SRRM3: variants seen among roughly 807,000 people sequenced by gnomAD.
The protein encoded by SRRM3 is serine/arginine repetitive matrix protein 3.
In SRRM3, 27 loss-of-function variants were observed where a neutral mutation model predicts 66.2. The observed-to-expected ratio is 0.41, with a 90% CI of 0.30 to 0.56. SRRM3 has a LOEUF of 0.56. SRRM3 is among the 20% of genes least tolerant of loss of function. SRRM3 has a pLI of 0.32. For missense variants in SRRM3, 918 were observed against 991.9 expected (o/e 0.93, Z 1.00); for synonymous variants, 391 against 414.9 (o/e 0.94, Z 0.70).
chr7:76,238,227 T>G (rs1554605193), intron 2 of SRRM3, among the ~76,000 whole-genome samples: 1 of 152,222 alleles, frequency 6.6e-6, no homozygotes, highest in African/African-American at 2.4e-5. Context: ...GGAGCTGTTC[T>G]GAGAGTCCTC....
intron 3 of SRRM3, among the ~76,000 whole-genome samples, chr7:76,250,182 T>A (rs1289130729): frequency 6.6e-6 from 1 of 152,112 alleles, no homozygotes; most frequent in Non-Finnish European, 1.5e-5. Context: ...TAGCTGGGAC[T>A]ACAGGTGCAT....
At chr7:76,279,662 G>A (rs1554611571) in intron 11 of SRRM3, among the ~76,000 whole-genome samples, 1 of 152,060 alleles carries the variant, frequency 6.6e-6, no homozygotes, top group Admixed American at 6.6e-5. Context: ...TCATTTTGTG[G>A]ATGGAGAAAC....
chr7:76,202,346 G>A (rs1272659981), intron 1 of SRRM3, among the ~76,000 whole-genome samples: 1 of 152,182 alleles, frequency 6.6e-6, no homozygotes, highest in Admixed American at 6.5e-5. Flanking sequence ...AGGGTGCCAG[G>A]GAGGCCCCCC....
At chr7:76,212,928 G>A (rs76576332) in intron 1 of SRRM3, among the ~76,000 whole-genome samples, 4,566 of 151,396 alleles carry the variant, frequency 0.03, 169 homozygotes, top group East Asian at 0.15. Flanking sequence ...CATCTTCTGC[G>A]TGATGTCCTG....
At chr7:76,210,757 T>TA (rs1315073328) in intron 1 of SRRM3, among the ~76,000 whole-genome samples, 4 of 151,334 alleles carry the variant, frequency 2.6e-5, no homozygotes, top group Admixed American at 1.3e-4. Context: ...ATCCCGTCTC[T>TA]AAAAAAATGG....
intron 2 of SRRM3, among the ~76,000 whole-genome samples, chr7:76,244,689 G>A (rs1044600164): frequency 6.6e-6 from 1 of 151,898 alleles, no homozygotes; most frequent in African/African-American, 2.4e-5. Flanking sequence ...TCCATTTCTC[G>A]CCCTTCATCC....
chr7:76,222,599 G>C (rs1311686338), intron 1 of SRRM3, among the ~76,000 whole-genome samples: 3 of 151,462 alleles, frequency 2.0e-5, no homozygotes, highest in Non-Finnish European at 4.4e-5. Flanking sequence ...AGCAAGACAA[G>C]CCCATGTTTT....
chr7:76,232,832 T>C (rs573810404), intron 1 of SRRM3, among the ~76,000 whole-genome samples: 124 of 152,066 alleles, frequency 8.2e-4, no homozygotes, highest in Admixed American at 1.4e-3. Flanking sequence ...AACCAGGGCA[T>C]GACATGGTCT....
At chr7:76,256,507 A>T (rs1801716402) in intron 3 of SRRM3, among the ~76,000 whole-genome samples, 1 of 143,292 alleles carries the variant, frequency 7.0e-6, no homozygotes, top group South Asian at 2.2e-4. Context: ...GACTCTGTTT[A>T]AAAAAAAAAA....
chr7:76,236,728 T>C (rs1801163064), intron 2 of SRRM3, among the ~76,000 whole-genome samples: 1 of 152,162 alleles, frequency 6.6e-6, no homozygotes, highest in Non-Finnish European at 1.5e-5. Flanking sequence ...GGGGACCTGA[T>C]GCTCACCTCA....
At position 76,253,020 on chromosome 7, in the gene SRRM3, C is replaced by T. The variant is rs140588424; in HGVS notation, c.335+4731C>T. On this transcript the variant is annotated intron_variant, in intron 3 of 14. Transcript: ENST00000611745. ...CTCTACTAAAAATACAATAGTTAGC[C>T]GGGCATGGTGGGGGGCACCTGTAAT... Among the ~76,000 whole-genome samples, 1,426 of 150,444 alleles carry T rather than the reference C, an allele frequency of 9.5e-3. 29 individuals are homozygous for T. Among genetic ancestry groups the T allele is most frequent in the African/African-American group, 0.033 (1,344 of 40,890 alleles).
intron 2 of SRRM3, among the ~76,000 whole-genome samples, chr7:76,239,523 C>T (rs1405147258): frequency 1.3e-5 from 2 of 151,974 alleles, no homozygotes; most frequent in Non-Finnish European, 2.9e-5. Flanking sequence ...GAGCCCCCTG[C>T]CAATCCACCT....
intron 3 of SRRM3, among the ~76,000 whole-genome samples, chr7:76,251,742 C>CTATTTAAAA: frequency 6.6e-6 from 1 of 151,814 alleles, no homozygotes; most frequent in African/African-American, 2.4e-5. Flanking sequence ...CCAGCCTGGG[C>CTATTTAAAA]AACAGAGCAA....
intron 1 of SRRM3, among the ~76,000 whole-genome samples, chr7:76,204,464 G>A (rs886081549): frequency 2.6e-5 from 4 of 152,144 alleles, no homozygotes; most frequent in Admixed American, 1.3e-4. Context: ...AGGCCTGAAG[G>A]TGTGATGGGA....
At chr7:76,263,375 G>C (rs1439254664) in intron 8 of SRRM3, among the ~76,000 whole-genome samples, 2 of 152,206 alleles carry the variant, frequency 1.3e-5, no homozygotes, top group Non-Finnish European at 1.5e-5. Context: ...GTGGCACCAG[G>C]GAGGATGGGG....
chr7:76,206,343 A>G (rs1800301764), intron 1 of SRRM3, among the ~76,000 whole-genome samples: 1 of 151,892 alleles, frequency 6.6e-6, no homozygotes, highest in South Asian at 2.1e-4. Flanking sequence ...AGTGAGGGAG[A>G]GTGGGTTCAG....
chr7:76,240,619 CAAA>C (rs200938394), intron 2 of SRRM3, among the ~76,000 whole-genome samples: 9,804 of 91,830 alleles, frequency 0.11, 787 homozygotes, highest in African/African-American at 0.24. Context: ...GACTCCATCT[CAAA>C]AAAAAAAAAA....
At chr7:76,259,026 C>CAGTG (rs1255321046) in intron 3 of SRRM3, among the ~76,000 whole-genome samples, 2 of 151,144 alleles carry the variant, frequency 1.3e-5, no homozygotes, top group African/African-American at 4.9e-5. Flanking sequence ...GCAGAGGTTG[C>CAGTG]AGTGAGGCGA....
chr7:76,283,608 C>G (rs782191319), intron 14 of SRRM3: 1 of 479,060 alleles, frequency 2.1e-6, no homozygotes, highest in South Asian at 1.5e-5. Flanking sequence ...CCCAAGTGAG[C>G]TGGTCTGGCC....
Sources: gnomAD v4.1 joint callset for allele counts (sites outside exome capture counted in the v4.1 genomes callset) on GRCh38, gnomAD v4.1.1 for gene constraint, MANE v1.5 for transcripts, NCBI Gene and HGNC (gene_info 2026-07-23, HGNC 2026-07-21) for gene names.